The following CERS3 variants were observed in gnomAD, a reference collection of about 807,000 sequenced individuals.
The protein encoded by CERS3 is LAG1 homolog, ceramide synthase 3.
Under a neutral mutation model 50.3 loss-of-function variants are expected in CERS3, and 33 were observed. The observed-to-expected ratio is 0.66, with a 90% CI of 0.50 to 0.88. CERS3 has a LOEUF of 0.88. CERS3 is among the 40% of genes least tolerant of loss of function. The pLI is 0.00. For missense variants in CERS3, 470 were observed against 460.3 expected, an observed-to-expected ratio of 1.02 and a Z score of -0.19; for synonymous variants, 176 against 155.2, an observed-to-expected ratio of 1.13 and a Z score of -0.99.
intron 2 of CERS3, among the ~76,000 whole-genome samples, chr15:100,504,997 G>C (rs557620091): frequency 6.6e-6 from 1 of 152,228 alleles, no homozygotes; most frequent in Admixed American, 6.5e-5. Flanking sequence ...GAAACCAGTC[G>C]AGGCCACAGA....
intron 2 of CERS3, among the ~76,000 whole-genome samples, chr15:100,511,051 G>T (rs2142358633): frequency 6.6e-6 from 1 of 152,316 alleles, no homozygotes; most frequent in African/African-American, 2.4e-5. Context: ...ACTTTGGGAG[G>T]CTGAGTTGAG....
At chr15:100,539,256 C>A (rs752311408) in intron 1 of CERS3, among the ~76,000 whole-genome samples, 9 of 152,186 alleles carry the variant, frequency 5.9e-5, no homozygotes, top group Non-Finnish European at 1.0e-4. Context: ...GTCTTCTGAG[C>A]CCTCCAAAGT....
chr15:100,491,138 G>C (rs1489759648), intron 3 of CERS3, among the ~76,000 whole-genome samples: 1 of 151,694 alleles, frequency 6.6e-6, no homozygotes, highest in African/African-American at 2.4e-5. Context: ...AAAAACACTT[G>C]CACAATTCTA....
At chr15:100,463,435 GA>G (rs71151951) in intron 10 of CERS3, among the ~76,000 whole-genome samples, 114 of 92,648 alleles carry the variant, frequency 1.2e-3, no homozygotes, top group African/African-American at 4.4e-3. Flanking sequence ...CTCTGTCTCA[GA>G]AAAAAAAAAA....
chr15:100,528,254 C>T (rs556756018), intron 1 of CERS3, among the ~76,000 whole-genome samples: 1 of 152,316 alleles, frequency 6.6e-6, no homozygotes, highest in South Asian at 2.1e-4. Flanking sequence ...TTGAGCACTA[C>T]ATCTCTCAAG....
chr15:100,412,541 T>C (rs2031571845), intron 11 of CERS3, among the ~76,000 whole-genome samples: 1 of 152,202 alleles, frequency 6.6e-6, no homozygotes, highest in Non-Finnish European at 1.5e-5. Flanking sequence ...TAAAGTCTTT[T>C]AAGTCCTGTG....
intron 11 of CERS3, among the ~76,000 whole-genome samples, chr15:100,420,818 C>G (rs1372631315): frequency 6.6e-6 from 1 of 152,030 alleles, no homozygotes; most frequent in Non-Finnish European, 1.5e-5. Context: ...ATAAACAGAA[C>G]CAGAGACAAA....
intron 11 of CERS3, among the ~76,000 whole-genome samples, chr15:100,411,474 T>G (rs958524696): frequency 2.0e-5 from 3 of 152,184 alleles, no homozygotes; most frequent in Admixed American, 2.0e-4. Flanking sequence ...ATTTCCTTCC[T>G]TTTAAAGGCT....
intron 2 of CERS3, among the ~76,000 whole-genome samples, chr15:100,502,988 A>G (rs2036057897): frequency 6.6e-6 from 1 of 152,376 alleles, no homozygotes; most frequent in East Asian, 1.9e-4. Flanking sequence ...CTAAGCAGAC[A>G]AAGTATTCAG....
At chr15:100,486,918 T>C (rs575653766) in intron 4 of CERS3, among the ~76,000 whole-genome samples, 66 of 152,340 alleles carry the variant, frequency 4.3e-4, no homozygotes, top group African/African-American at 1.6e-3. Flanking sequence ...CTGCAAATAA[T>C]TGCCCAATGA....
At chr15:100,485,662 G>C (rs891587099) in intron 4 of CERS3, among the ~76,000 whole-genome samples, 10 of 152,054 alleles carry the variant, frequency 6.6e-5, no homozygotes, top group Non-Finnish European at 1.3e-4. Context: ...TCAGGAGTTC[G>C]AGATCTGCCT....
intron 3 of CERS3, among the ~76,000 whole-genome samples, chr15:100,494,163 G>C (rs1356245207): frequency 7.4e-6 from 1 of 135,326 alleles, no homozygotes; most frequent in Non-Finnish European, 1.6e-5. Flanking sequence ...TGTTGTTTTT[G>C]CTATTTGTCA....
chr15:100,524,754 T>C (rs949181451), intron 1 of CERS3, among the ~76,000 whole-genome samples: 25 of 152,366 alleles, frequency 1.6e-4, no homozygotes, highest in African/African-American at 5.5e-4. Context: ...ATCTTCATTA[T>C]TGAAGAAAAT....
chr15:100,423,094 A>AAGACAT (rs1555521072), intron 11 of CERS3, among the ~76,000 whole-genome samples: 1 of 72,468 alleles, frequency 1.4e-5, no homozygotes, highest in African/African-American at 4.4e-5. Flanking sequence ...AATAAAAAAA[A>AAGACAT]AATGTTAAAA....
At chr15:100,452,684 AAAT>A (rs2142187856) in intron 11 of CERS3, among the ~76,000 whole-genome samples, 1 of 152,282 alleles carries the variant, frequency 6.6e-6, no homozygotes. Context: ...AAGAGACTGA[AAAT>A]AATTACAAAG....
chr15:100,515,999 G>A (rs1043042376), intron 2 of CERS3, among the ~76,000 whole-genome samples: 3 of 152,120 alleles, frequency 2.0e-5, no homozygotes, highest in Non-Finnish European at 2.9e-5. Context: ...CTGGTCCAGG[G>A]CAGAGCAAAG....
chr15:100,439,559 C>T (rs765706115), intron 11 of CERS3, among the ~76,000 whole-genome samples: 5 of 152,176 alleles, frequency 3.3e-5, no homozygotes, highest in Non-Finnish European at 7.3e-5. Flanking sequence ...GAATCTGTCG[C>T]CTTAGTAACA....
rs1402279669 is a variant in CERS3, at chr15:100,472,777, G to A, written c.738+147C>T. The A allele has an allele frequency of 4.5e-6, 4 of 883,768 alleles. No homozygotes were observed. The East Asian group carries it at 1.0e-4, about 22-fold the overall frequency. 54.7% of individuals were successfully genotyped at this position (883,768 alleles called of 1,614,324 possible). ...AAGAGGTTTCATTTCTGTAATCTTGGAGGATCTGGGAATCTAGAGATATTC... is the reference window on the plus strand; with the variant it reads ...AAGAGGTTTCATTTCTGTAATCTTGAAGGATCTGGGAATCTAGAGATATTC... On this transcript the variant is annotated intron_variant, in intron 9 of 11. Transcript: ENST00000679737.
intron 11 of CERS3, among the ~76,000 whole-genome samples, chr15:100,424,120 T>C (rs1024176253): frequency 6.6e-6 from 1 of 152,136 alleles, no homozygotes; most frequent in Non-Finnish European, 1.5e-5. Context: ...TTTGTATTTC[T>C]AGTGGAGATG....
Sources: allele counts gnomAD v4.1 joint callset (sites outside exome capture counted in the v4.1 genomes callset), GRCh38; gene constraint gnomAD v4.1.1; transcripts MANE v1.5; gene names NCBI Gene and HGNC (gene_info 2026-07-23, HGNC 2026-07-21).